The following DPP6 variants were observed in gnomAD, a reference collection of about 807,000 sequenced individuals.
DPP6 encodes the protein A-type potassium channel modulatory protein DPP6.
In DPP6, 69 loss-of-function variants were observed where a neutral mutation model predicts 122.6. The observed-to-expected ratio is 0.56, with a 90% CI of 0.46 to 0.69. The LOEUF (loss-of-function observed/expected upper bound fraction) is 0.69. DPP6 is among the 30% of genes least tolerant of loss of function. The probability of loss-of-function intolerance (pLI) is 0.00; values close to 1 mark genes in which losing one functional copy is unlikely to be tolerated. For synonymous variants in DPP6, 418 were observed against 433.1 expected (o/e 0.97, Z 0.43); for missense variants, 928 against 1,116.9 (o/e 0.83, Z 2.41).
intron 1 of DPP6, among the ~76,000 whole-genome samples, chr7:154,401,258 AG>A (rs1427684382): frequency 6.6e-6 from 1 of 152,140 alleles, no homozygotes; most frequent in African/African-American, 2.4e-5. Context: ...CTTTGGAAAC[AG>A]TACACCAAAT....
intron 1 of DPP6, among the ~76,000 whole-genome samples, chr7:154,134,505 C>T (rs1795444004): frequency 6.6e-6 from 1 of 152,116 alleles, no homozygotes; most frequent in African/African-American, 2.4e-5. Flanking sequence ...CATGGCTGGG[C>T]TCCCTCCCGT....
intron 1 of DPP6, among the ~76,000 whole-genome samples, chr7:153,996,907 T>G (rs1330463671): frequency 6.6e-6 from 1 of 152,222 alleles, no homozygotes. Context: ...TGTTGAGCTC[T>G]GTTTGGAGTT....
At chr7:153,846,687 C>CTTTT in the DPP6 span, among the ~76,000 whole-genome samples, 690 of 78,220 alleles carry the variant, frequency 8.8e-3, 27 homozygotes, top group Middle Eastern at 0.012. Context: ...TGGCTTGGTT[C>CTTTT]TTTTTTTTTT....
chr7:154,813,970 T>A (rs1799250403), intron 16 of DPP6, among the ~76,000 whole-genome samples: 1 of 133,616 alleles, frequency 7.5e-6, no homozygotes, highest in Non-Finnish European at 1.6e-5. Flanking sequence ...AACCTCCGCC[T>A]CCCAGGTTCA....
chr7:153,993,231 G>A (rs1022262465), intron 1 of DPP6, among the ~76,000 whole-genome samples: 1 of 152,184 alleles, frequency 6.6e-6, no homozygotes, highest in Non-Finnish European at 1.5e-5. Context: ...GGGGTTTCAA[G>A]AGTGCTGATG....
intron 1 of DPP6, among the ~76,000 whole-genome samples, chr7:154,238,100 G>A (rs1212718631): frequency 1.3e-5 from 2 of 152,200 alleles, no homozygotes; most frequent in African/African-American, 2.4e-5. Flanking sequence ...AAAGAGATGT[G>A]TTATTTGGTA....
At chr7:154,840,358 C>T (rs895894448) in intron 16 of DPP6, among the ~76,000 whole-genome samples, 2 of 152,206 alleles carry the variant, frequency 1.3e-5, no homozygotes, top group African/African-American at 4.8e-5. Context: ...TGGGCAGCAA[C>T]CTCAGCCTGC....
intron 4 of DPP6, among the ~76,000 whole-genome samples, chr7:154,561,219 C>T (rs777294978): frequency 1.3e-4 from 20 of 152,276 alleles, no homozygotes; most frequent in Non-Finnish European, 2.4e-4. Flanking sequence ...AATAAGGATA[C>T]GGAAGTCTTG....
intron 1 of DPP6, among the ~76,000 whole-genome samples, chr7:153,937,984 G>T (rs1352083412): frequency 1.3e-5 from 2 of 152,142 alleles, no homozygotes; most frequent in Non-Finnish European, 2.9e-5. Flanking sequence ...TATATGACAG[G>T]TGCTACGAGG....
chr7:154,607,996 T>A lies in DPP6; in HGVS notation c.628-29825T>A. Among the ~76,000 whole-genome samples, 2 of 100,866 alleles carry A rather than the reference T, an allele frequency of 2.0e-5. 1 individual carries two copies. Among genetic ancestry groups the A allele is most frequent in the Non-Finnish European group, 4.5e-5 (2 of 44,348 alleles). The allele number at this position is 100,866 out of a possible 152,430, so 66.2% of individuals were successfully genotyped here. Reference sequence around the variant, plus strand: ...TTTTCTTTTTTTTTTCTTTTTTTTTTTGAGACAGAGTCTCGCTCTGTCACC... The same window carrying A: ...TTTTCTTTTTTTTTTCTTTTTTTTTATGAGACAGAGTCTCGCTCTGTCACC... On this transcript the variant is annotated intron_variant, in intron 5 of 25. Coordinates refer to ENST00000377770, the MANE Select transcript of DPP6 (RefSeq NM_130797.4).
At chr7:154,196,718 G>A (rs562679967) in intron 1 of DPP6, among the ~76,000 whole-genome samples, 49 of 152,204 alleles carry the variant, frequency 3.2e-4, no homozygotes, top group Admixed American at 8.5e-4. Flanking sequence ...TGAAAACATC[G>A]ATGTCATCAT....
intron 1 of DPP6, among the ~76,000 whole-genome samples, chr7:153,927,389 A>G (rs1800950818): frequency 6.6e-6 from 1 of 152,248 alleles, no homozygotes; most frequent in African/African-American, 2.4e-5. Context: ...ATGTTGTGAT[A>G]CATGTATACT....
intron 2 of DPP6, among the ~76,000 whole-genome samples, chr7:154,462,429 T>C (rs1316216094): frequency 1.3e-5 from 2 of 152,210 alleles, no homozygotes; most frequent in Non-Finnish European, 2.9e-5. Flanking sequence ...GAGATTTCAT[T>C]GAACCTGTAG....
chr7:154,783,433 A>G (rs1338099857), intron 10 of DPP6, among the ~76,000 whole-genome samples: 1 of 152,158 alleles, frequency 6.6e-6, no homozygotes, highest in Non-Finnish European at 1.5e-5. Context: ...TCACCCATGC[A>G]GACACCAACA....
the DPP6 span, among the ~76,000 whole-genome samples, chr7:153,772,989 A>G: frequency 8.0e-6 from 1 of 125,642 alleles, no homozygotes; most frequent in Non-Finnish European, 1.8e-5. Flanking sequence ...ATATTATATA[A>G]TAATATATAA....
chr7:153,899,220 C>T (rs1324695677), intron 1 of DPP6, among the ~76,000 whole-genome samples: 1 of 151,912 alleles, frequency 6.6e-6, no homozygotes, highest in African/African-American at 2.4e-5. Flanking sequence ...TCCTTCTCCT[C>T]CTCCTCCTTT....
At chr7:154,141,915 A>G (rs1247259999) in intron 1 of DPP6, among the ~76,000 whole-genome samples, 1 of 152,200 alleles carries the variant, frequency 6.6e-6, no homozygotes, top group Non-Finnish European at 1.5e-5. Flanking sequence ...AATACATTTG[A>G]ATATGATTTA....
At chr7:154,258,054 C>T (rs576575618) in intron 1 of DPP6, among the ~76,000 whole-genome samples, 2 of 150,500 alleles carry the variant, frequency 1.3e-5, no homozygotes, top group African/African-American at 2.4e-5. Context: ...AAAGGCACCA[C>T]TAGAAATTAC....
intron 4 of DPP6, among the ~76,000 whole-genome samples, chr7:154,556,369 G>A (rs371233747): frequency 6.6e-6 from 1 of 152,136 alleles, no homozygotes; most frequent in East Asian, 1.9e-4. Flanking sequence ...CATAGAAGTA[G>A]CAAAGAGAGT....
Sources: gnomAD v4.1 joint callset for allele counts (sites outside exome capture counted in the v4.1 genomes callset) on GRCh38, gnomAD v4.1.1 for gene constraint, MANE v1.5 for transcripts, NCBI Gene and HGNC (gene_info 2026-07-23, HGNC 2026-07-21) for gene names.